CNTNAP4: variants seen among roughly 807,000 people sequenced by gnomAD.
CNTNAP4 encodes contactin-associated protein-like 4.
CNTNAP4 carries 98 observed loss-of-function variants against 148.4 expected under a neutral mutation model. The observed-to-expected ratio is 0.66, with a 90% CI of 0.56 to 0.78. The LOEUF is 0.78. Among genes scored for constraint, CNTNAP4 ranks in the 30% least tolerant of loss-of-function variants. CNTNAP4 has a pLI of 0.00. For missense variants in CNTNAP4, 1,935 were observed against 1,565.6 expected (o/e 1.24, Z -3.98); for synonymous variants, 730 against 565.1 (o/e 1.29, Z -4.14).
intron 2 of CNTNAP4, among the ~76,000 whole-genome samples, chr16:76,323,189 A>T (rs146205841): frequency 1.2e-4 from 18 of 152,304 alleles, no homozygotes; most frequent in Middle Eastern, 3.4e-3. Flanking sequence ...TCAAATAATT[A>T]GTTTTTTAAT....
intron 21 of CNTNAP4, among the ~76,000 whole-genome samples, chr16:76,547,825 TGA>T (rs2084800213): frequency 6.6e-6 from 1 of 152,224 alleles, no homozygotes; most frequent in South Asian, 2.1e-4. Context: ...ATGTGTGGTC[TGA>T]GAGAAGAGGA....
rs1182775881 is a variant in CNTNAP4 at position 76,452,651 on chromosome 16, G to A, written c.1215G>A (p.Gly405=). The A allele has an allele frequency of 6.2e-7, 1 of 1,613,980 alleles. No individual in the cohort carries two copies. Among genetic ancestry groups the A allele is most frequent in the East Asian group, 2.2e-5 (1 of 44,874 alleles). The change falls in exon 8 of 24, where the codon GGG becomes GGA. Residue 405 remains glycine, a synonymous_variant. Transcript: ENST00000611870. ...AATTTCGAACTTGGAATAAGGCAGG[G>A]CTTCTGCTGTTCAGTGAACTTCAGC... ...TFQFRTWNKA[G]LLLFSELQLI...
chr16:76,334,299 G>C (rs1489732020), intron 2 of CNTNAP4, among the ~76,000 whole-genome samples: 1 of 151,880 alleles, frequency 6.6e-6, no homozygotes, highest in Non-Finnish European at 1.5e-5. Flanking sequence ...TTAGAAACTA[G>C]TGGAAAAAAA....
chr16:76,360,975 C>G (rs1052174585), intron 3 of CNTNAP4, among the ~76,000 whole-genome samples: 2 of 151,940 alleles, frequency 1.3e-5, no homozygotes, highest in African/African-American at 4.8e-5. Context: ...TGCCTCCACA[C>G]CCGGCTAATT....
intron 1 of CNTNAP4, among the ~76,000 whole-genome samples, chr16:76,308,541 C>T (rs1960744929): frequency 6.6e-6 from 1 of 152,194 alleles, no homozygotes; most frequent in Admixed American, 6.5e-5. Flanking sequence ...ACAAAAGTTC[C>T]TTCAGTCCTT....
chr16:76,466,154 G>A (rs1252485952), intron 9 of CNTNAP4, among the ~76,000 whole-genome samples: 1 of 151,994 alleles, frequency 6.6e-6, no homozygotes, highest in Non-Finnish European at 1.5e-5. Flanking sequence ...TGATTTTTAG[G>A]TCCCACAAAT....
At chr16:76,522,605 C>A (rs2083500750) in intron 17 of CNTNAP4, among the ~76,000 whole-genome samples, 1 of 141,514 alleles carries the variant, frequency 7.1e-6, no homozygotes, top group Non-Finnish European at 1.5e-5. Context: ...TCTTTCTTTT[C>A]TTTATTTCCT....
intron 2 of CNTNAP4, among the ~76,000 whole-genome samples, chr16:76,345,285 G>A (rs911809829): frequency 1.3e-5 from 2 of 152,288 alleles, no homozygotes; most frequent in Admixed American, 1.3e-4. Context: ...GTGCTCTTCA[G>A]CTTCTTCTCT....
rs142334607 is a variant in CNTNAP4, at chr16:76,397,136, A to G, written c.391-30316A>G. Among the ~76,000 whole-genome samples, 62 of 152,026 alleles carry G rather than the reference A, an allele frequency of 4.1e-4. No individual in the cohort carries two copies. In the East Asian group the frequency reaches 0.011, roughly 26 times the overall value. ...GGGGCCTACAAGAGAAAGAACAACA[A>G]ACCTTTCACGGACATAAGGGAAGGC... is the stretch of plus-strand genomic sequence containing the variant. On this transcript the variant is annotated intron_variant, in intron 3 of 23. Coordinates refer to ENST00000611870, the MANE Select transcript of CNTNAP4 (RefSeq NM_033401.5).
At chr16:76,353,533 G>A (rs988807633) in intron 2 of CNTNAP4, among the ~76,000 whole-genome samples, 3 of 152,054 alleles carry the variant, frequency 2.0e-5, no homozygotes, top group African/African-American at 7.3e-5. Context: ...CACCCTTTGC[G>A]GTTGTTAAGC....
intron 3 of CNTNAP4, among the ~76,000 whole-genome samples, chr16:76,404,450 A>G (rs1012637065): frequency 6.6e-6 from 1 of 152,036 alleles, no homozygotes; most frequent in African/African-American, 2.4e-5. Flanking sequence ...ACACAGACAC[A>G]CACACACACA....
At chr16:76,477,696 C>T (rs1027019934) in intron 11 of CNTNAP4, among the ~76,000 whole-genome samples, 2 of 152,100 alleles carry the variant, frequency 1.3e-5, no homozygotes, top group Admixed American at 6.5e-5. Flanking sequence ...TACTTGCATG[C>T]CACGTTATTT....
chr16:76,302,360 C>T (rs1028169981), intron 1 of CNTNAP4, among the ~76,000 whole-genome samples: 6 of 152,170 alleles, frequency 3.9e-5, no homozygotes, highest in Middle Eastern at 3.4e-3. Context: ...TCCAAGCTCA[C>T]GTTAATTAGC....
At chr16:76,459,243 C>T (rs1485045886) in intron 8 of CNTNAP4, among the ~76,000 whole-genome samples, 1 of 152,134 alleles carries the variant, frequency 6.6e-6, no homozygotes. Context: ...AAAGGAAGCA[C>T]TGGATGACAA....
At chr16:76,320,121 T>C (rs1002713708) in intron 2 of CNTNAP4, among the ~76,000 whole-genome samples, 2 of 152,174 alleles carry the variant, frequency 1.3e-5, no homozygotes, top group African/African-American at 4.8e-5. Context: ...AAAGTGTATC[T>C]GGCAAGGGTT....
rs574697615 is a variant in CNTNAP4 at position 76,554,116 on chromosome 16, ATAAT to A, written c.3733+211_3733+214del. 1.1e-4 allele frequency among the ~76,000 whole-genome samples: 17 copies of A among 152,324 alleles called. No homozygotes were observed. In the South Asian group the frequency reaches 3.5e-3, roughly 32 times the overall value. On this transcript the variant is annotated intron_variant, in intron 23 of 23. Transcript: ENST00000611870. ...GCTTCCTTGGAGATTTTCAGTATAAATAATTGACAATTTCACTGAAGCATGGCAC... is the reference window on the plus strand; with the variant it reads ...GCTTCCTTGGAGATTTTCAGTATAAATGACAATTTCACTGAAGCATGGCAC...
At chr16:76,315,925 A>G (rs530343145) in intron 1 of CNTNAP4, among the ~76,000 whole-genome samples, 1 of 151,924 alleles carries the variant, frequency 6.6e-6, no homozygotes, top group African/African-American at 2.4e-5. Context: ...GCCTTGTGTT[A>G]TTTTTGTTAA....
intron 3 of CNTNAP4, among the ~76,000 whole-genome samples, chr16:76,408,194 A>G (rs2078667070): frequency 6.6e-6 from 1 of 152,134 alleles, no homozygotes; most frequent in Non-Finnish European, 1.5e-5. Flanking sequence ...GATGAAATTT[A>G]TTGCAAAATA....
At chr16:76,405,874 TAATC>T (rs763584495) in intron 3 of CNTNAP4, among the ~76,000 whole-genome samples, 1 of 152,088 alleles carries the variant, frequency 6.6e-6, no homozygotes, top group South Asian at 2.1e-4. Context: ...TTATGAAACA[TAATC>T]AATCTCAATT....
Sources: allele counts gnomAD v4.1 joint callset (sites outside exome capture counted in the v4.1 genomes callset), GRCh38; gene constraint gnomAD v4.1.1; transcripts MANE v1.5; gene names NCBI Gene and HGNC (gene_info 2026-07-23, HGNC 2026-07-21).